Variants in CHRNB4 observed in about 807,000 individuals in gnomAD.
The protein encoded by CHRNB4 is cholinergic receptor nicotinic beta 4 subunit.
A neutral mutation model predicts 40.4 loss-of-function variants in CHRNB4; 23 were observed. The ratio of observed to expected loss-of-function variants is 0.57; its 90% CI spans 0.41 to 0.81. CHRNB4 has a LOEUF of 0.81. Among genes scored for constraint, CHRNB4 ranks in the 30% least tolerant of loss-of-function variants. The pLI is 0.00. For synonymous variants in CHRNB4, 285 were observed against 274.4 expected, an observed-to-expected ratio of 1.04 and a Z score of -0.38; for missense variants, 568 against 670.6, an observed-to-expected ratio of 0.85 and a Z score of 1.69.
At chr15:78,650,410 G>A (rs558839321) in intron 6 of CHRNB4, among the ~76,000 whole-genome samples, 2 of 152,246 alleles carry the variant, frequency 1.3e-5, no homozygotes, top group Non-Finnish European at 2.9e-5. Flanking sequence ...TGTTTTCCTG[G>A]GCCCAGGGTT....
At chr15:78,647,392 G>A (rs1197110133) in intron 7 of CHRNB4, among the ~76,000 whole-genome samples, 1 of 151,356 alleles carries the variant, frequency 6.6e-6, no homozygotes, top group Non-Finnish European at 1.5e-5. Flanking sequence ...AGAAAAGTGG[G>A]CAAACAATAT....
chr15:78,632,299 T>A (rs1331052434), intron 2 of CHRNB4, among the ~76,000 whole-genome samples: 1 of 146,876 alleles, frequency 6.8e-6, no homozygotes, highest in African/African-American at 2.5e-5. Flanking sequence ...TTCTTTTCTT[T>A]CGTGTGTGTG....
intron 1 of CHRNB4, among the ~76,000 whole-genome samples, chr15:78,637,030 G>A (rs12441998): frequency 0.62 from 94,729 of 152,000 alleles, 32,504 homozygotes; most frequent in Non-Finnish European, 0.8. Context: ...TTCAGACTTA[G>A]ACCTACAGAG....
At chr15:78,646,956 C>T (rs988301457) in intron 7 of CHRNB4, among the ~76,000 whole-genome samples, 6 of 151,966 alleles carry the variant, frequency 3.9e-5, no homozygotes, top group Non-Finnish European at 7.4e-5. Context: ...GCCTGGGTGA[C>T]ATAACAAGAC....
intron 7 of CHRNB4, among the ~76,000 whole-genome samples, chr15:78,646,914 G>T (rs533385833): frequency 6.6e-6 from 1 of 152,320 alleles, no homozygotes; most frequent in Non-Finnish European, 1.5e-5. Flanking sequence ...GCTGAAGCAG[G>T]AGGATTGCTT....
intron 1 of CHRNB4, among the ~76,000 whole-genome samples, chr15:78,640,369 G>T (rs2054043606): frequency 6.6e-6 from 1 of 152,210 alleles, no homozygotes; most frequent in Admixed American, 6.5e-5. Flanking sequence ...TCTCCTTCCT[G>T]AGTGGCAGGC....
chr15:78,633,965 C>T (rs1475440593), intron 2 of CHRNB4, among the ~76,000 whole-genome samples: 1 of 152,010 alleles, frequency 6.6e-6, no homozygotes, highest in Non-Finnish European at 1.5e-5. Flanking sequence ...GTGCCTGGCT[C>T]ACCAGACTCT....
Position 78,625,219 on chromosome 15 carries a change from C to G in CHRNB4, c.1411G>C (p.Val471Leu), listed in dbSNP as rs181037724. 2.5e-6 allele frequency: 4 copies of G among 1,595,626 alleles called. No homozygotes were observed. Among genetic ancestry groups the G allele is most frequent in the Non-Finnish European group, 3.4e-6 (4 of 1,171,300 alleles). ...LFLWVFMFVC[V>L]LGTVGLFLPP... ...AGGAAGAGCCCCACAGTGCCCAGGA[C>G]GCACACAAACATGAACACCCACAGG... Residue 471 changes from valine (V) to leucine (L), a missense_variant, in exon 6 of 6, where the codon GTC becomes CTC. Around this residue, in one of 4 missense-constraint regions of CHRNB4, gnomAD observed 242 missense variants for 274.9 expected, o/e 0.88. Transcript: ENST00000261751.
At position 78,635,530 on chromosome 15, in the gene CHRNB4, G is replaced by T; in HGVS notation, c.113C>A (p.Thr38Asn). ...EKLMDDLLNK[T>N]RYNNLIRPAT... ...TGGGCGGATCAGGTTATTGTAACGG[G>T]TTTTGTTCAGAAGGTCGTCCATCAG... The change falls in exon 2 of 6, where the codon ACC becomes AAC. Residue 38 changes from threonine (T) to asparagine (N), a missense_variant. By Grantham distance (65) the Thr-to-Asn change is moderately conservative. Transcript: ENST00000261751. 3 of 1,614,174 alleles carry T rather than the reference G, an allele frequency of 1.9e-6. No homozygotes were observed. Among genetic ancestry groups the T allele is most frequent in the Non-Finnish European group, 2.5e-6 (3 of 1,180,044 alleles).
chr15:78,659,339 T>C (rs2054235939), intron 1 of CHRNB4, among the ~76,000 whole-genome samples: 1 of 151,746 alleles, frequency 6.6e-6, no homozygotes, highest in Non-Finnish European at 1.5e-5. Flanking sequence ...GAGGCTGAGG[T>C]GGGAGGATCA....
upstream of CHRNB4, among the ~76,000 whole-genome samples, chr15:78,642,093 C>G (rs1349886834): frequency 6.6e-6 from 1 of 152,192 alleles, no homozygotes; most frequent in Non-Finnish European, 1.5e-5. Flanking sequence ...CTAAGGGAAC[C>G]GCCTGTAAAA....
intron 2 of CHRNB4, among the ~76,000 whole-genome samples, chr15:78,658,028 C>CTT (rs71448810): frequency 0.26 from 23,596 of 90,462 alleles, 3,891 homozygotes; most frequent in Non-Finnish European, 0.33. Context: ...TCTTGTTTCT[C>CTT]TTTTTTTTTT....
In CHRNB4 at chr15:78,629,103, G is replaced by T; in HGVS notation, c.1202C>A (p.Ala401Asp). The T allele has an allele frequency of 6.2e-7, 1 of 1,614,212 alleles. No homozygotes were observed. The highest frequency in any genetic ancestry group is 8.5e-7 in the Non-Finnish European group (1 of 1,180,046). The change falls in exon 5 of 6, where the codon GCC (alanine) becomes GAC (aspartate). Residue 401 changes from alanine to aspartate, a missense_variant. This residue lies in a region of CHRNB4 where 242 missense variants were observed against 274.9 expected (regional missense o/e 0.88). Transcript: ENST00000261751. This position sits in a 1 kb window ranked among gnomAD's most constrained non-coding sequence, Gnocchi z 6.8. ...GGGGATAGCCACCGGGGTAGAGCCG[G>T]CTGGAGACTTGGAAGCTGCAGAGGC... ...NPASAASKSPAGSTPVAIPRD... is the reference protein window; with the variant it reads ...NPASAASKSPDGSTPVAIPRD...
At chr15:78,639,335 G>A (rs538881409) in intron 1 of CHRNB4, among the ~76,000 whole-genome samples, 16 of 152,190 alleles carry the variant, frequency 1.1e-4, no homozygotes, top group African/African-American at 2.4e-4. Context: ...TTGATCTGTC[G>A]CCCAGGCTGG....
intron 1 of CHRNB4, among the ~76,000 whole-genome samples, chr15:78,659,723 T>C (rs2054238018): frequency 6.6e-6 from 1 of 152,148 alleles, no homozygotes; most frequent in Admixed American, 6.5e-5. Flanking sequence ...TAGACAGAGA[T>C]AGTGAGGCAG....
At chr15:78,645,766 A>G (rs1365655012), upstream of CHRNB4, among the ~76,000 whole-genome samples, 2 of 152,136 alleles carry the variant, frequency 1.3e-5, no homozygotes, top group African/African-American at 2.4e-5. Context: ...TTTAAAGAAT[A>G]AGAATGACAT....
chr15:78,633,100 T>C (rs946992444), intron 2 of CHRNB4, among the ~76,000 whole-genome samples: 1 of 152,214 alleles, frequency 6.6e-6, no homozygotes, highest in African/African-American at 2.4e-5. Flanking sequence ...TCCAGCCCCC[T>C]GGCCTTCTTT....
intron 5 of CHRNB4, among the ~76,000 whole-genome samples, chr15:78,654,745 G>T (rs1228986262): frequency 6.6e-6 from 1 of 152,096 alleles, no homozygotes; most frequent in Non-Finnish European, 1.5e-5. Flanking sequence ...TATATGTATA[G>T]AATAGTTCAC....
At chr15:78,641,267 G>A (rs1020785360), upstream of CHRNB4, 122 of 740,990 alleles carry the variant, frequency 1.6e-4, no homozygotes, top group Middle Eastern at 8.1e-4. Context: ...CTAGGACCCC[G>A]CGGAGAGCCC....
Sources: gnomAD v4.1 joint callset for allele counts (sites outside exome capture counted in the v4.1 genomes callset) on GRCh38, gnomAD v4.1.1 for gene constraint, gnomAD v4.1.1 regional missense constraint, Gnocchi (gnomAD v3.1) non-coding constraint, MANE v1.5 for transcripts, NCBI Gene and HGNC (gene_info 2026-07-23, HGNC 2026-07-21) for gene names.